GRK5: variants seen among roughly 807,000 people sequenced by gnomAD.
GRK5 encodes g protein-coupled receptor kinase GRK5.
GRK5 carries 40 observed loss-of-function variants against 78.4 expected under a neutral mutation model. The observed-to-expected ratio is 0.51, with a 90% confidence interval of 0.40 to 0.66. The LOEUF is 0.66. Among genes scored for constraint, GRK5 ranks in the 30% least tolerant of loss-of-function variants. The pLI, the probability that GRK5 is intolerant of heterozygous loss-of-function variation, is 0.00. For synonymous variants in GRK5, 289 were observed against 296.8 expected, an observed-to-expected ratio of 0.97 and a Z score of 0.27; for missense variants, 598 against 759.9, an observed-to-expected ratio of 0.79 and a Z score of 2.50.
intron 1 of GRK5, among the ~76,000 whole-genome samples, chr10:119,305,742 CTA>C (rs1850263427): frequency 6.6e-6 from 1 of 152,192 alleles, no homozygotes; most frequent in Admixed American, 6.5e-5. Flanking sequence ...AAGACCTAAC[CTA>C]CGTGTCTCTC....
At chr10:119,277,881 TGAA>T (rs760434429) in intron 1 of GRK5, among the ~76,000 whole-genome samples, 4 of 151,948 alleles carry the variant, frequency 2.6e-5, no homozygotes, top group Non-Finnish European at 4.4e-5. Context: ...TTACTCAGCA[TGAA>T]GATTTTGAGA....
At chr10:119,375,630 G>T (rs1851611018) in intron 2 of GRK5, among the ~76,000 whole-genome samples, 1 of 152,216 alleles carries the variant, frequency 6.6e-6, no homozygotes, top group Admixed American at 6.5e-5. Context: ...CAAGTGTCTG[G>T]TACCTTGCTA....
At chr10:119,395,613 G>A (rs561678835) in intron 3 of GRK5, among the ~76,000 whole-genome samples, 7 of 152,294 alleles carry the variant, frequency 4.6e-5, no homozygotes, top group East Asian at 3.9e-4. Context: ...AGAAAGGGCC[G>A]CTTACTCAGG....
At chr10:119,384,903 C>G in intron 3 of GRK5, among the ~76,000 whole-genome samples, 1 of 152,086 alleles carries the variant, frequency 6.6e-6, no homozygotes, top group Non-Finnish European at 1.5e-5. Context: ...ACAACTGGAG[C>G]AGGTTAAAGG....
At chr10:119,424,923 A>G in intron 5 of GRK5, 70 bp from the exon 6 acceptor site, 2 of 1,096,936 alleles carry the variant, frequency 1.8e-6, no homozygotes, top group South Asian at 2.5e-5. Flanking sequence ...CCAAAGCTGG[A>G]CACAGCTTTG....
chr10:119,452,850 A>AG lies in GRK5; in HGVS notation c.1542+45dup. The AG allele has an allele frequency of 1.9e-6, 1 of 538,102 alleles. No individual in the cohort carries two copies. The highest frequency in any genetic ancestry group is 2.1e-5 in the Admixed American group (1 of 48,086). 33.3% of individuals were successfully genotyped at this position (538,102 alleles called of 1,614,324 possible). A position where few individuals can be genotyped will look rare whatever the true frequency, so the allele number is the denominator to read the frequency against. Reference sequence around the variant, plus strand: ...ACTTGCTTTGGTCTGGGTGGGAGGGAGGGACTGACGGGTGGAAGGAGGCGT... The same window carrying AG: ...ACTTGCTTTGGTCTGGGTGGGAGGGAGGGGACTGACGGGTGGAAGGAGGCGT... On this transcript the variant is annotated intron_variant, in intron 14 of 15. Coordinates refer to ENST00000392870, the MANE Select transcript of GRK5 (RefSeq NM_005308.3). This position sits in a 1 kb window ranked among gnomAD's most constrained non-coding sequence, Gnocchi z 4.4.
At chr10:119,370,303 G>C (rs557198826) in intron 2 of GRK5, among the ~76,000 whole-genome samples, 2 of 152,270 alleles carry the variant, frequency 1.3e-5, no homozygotes, top group African/African-American at 4.8e-5. Flanking sequence ...GGTTTCACAT[G>C]TGGCTTCTCC....
At chr10:119,290,758 G>A (rs1241918549) in intron 1 of GRK5, among the ~76,000 whole-genome samples, 1 of 151,958 alleles carries the variant, frequency 6.6e-6, no homozygotes, top group Non-Finnish European at 1.5e-5. Flanking sequence ...CTTGGGCTGG[G>A]TTTCCCCTTC....
At chr10:119,326,871 C>T (rs1303202534) in intron 2 of GRK5, among the ~76,000 whole-genome samples, 1 of 152,240 alleles carries the variant, frequency 6.6e-6, no homozygotes, top group Non-Finnish European at 1.5e-5. Flanking sequence ...TCCTTTGAGG[C>T]AGGTGCTATT....
intron 1 of GRK5, among the ~76,000 whole-genome samples, chr10:119,248,307 C>G (rs2133749943): frequency 6.6e-6 from 1 of 152,318 alleles, no homozygotes; most frequent in Non-Finnish European, 1.5e-5. Context: ...GCCACTATCG[C>G]TGGCTGTTGT....
At chr10:119,274,214 C>T (rs1849631652) in intron 1 of GRK5, among the ~76,000 whole-genome samples, 1 of 152,082 alleles carries the variant, frequency 6.6e-6, no homozygotes, top group African/African-American at 2.4e-5. Flanking sequence ...CTGGCCAGCA[C>T]CGAGATTAGA....
rs1848414705 is a variant in GRK5 at position 119,207,932 on chromosome 10, C to T, written c.15C>T (p.Asn5=). MELE[N]IVANTVLLKA... ...GCCGACTGTCAATGGAGCTGGAAAA[C>T]ATCGTGGCCAACACGGTCTTGCTGA... is the stretch of plus-strand genomic sequence containing the variant. The change falls in exon 1 of 16, where the codon AAC becomes AAT. Residue 5 remains asparagine (N), a synonymous_variant. Coordinates refer to ENST00000392870, the MANE Select transcript of GRK5 (RefSeq NM_005308.3). 4 of 1,604,150 alleles carry T rather than the reference C, an allele frequency of 2.5e-6. No homozygotes were observed. The highest frequency in any genetic ancestry group is 1.4e-5 in the African/African-American group (1 of 73,470).
chr10:119,449,112 G>A (rs1348681225), intron 13 of GRK5, among the ~76,000 whole-genome samples: 1 of 152,238 alleles, frequency 6.6e-6, no homozygotes, highest in Non-Finnish European at 1.5e-5. Context: ...GCGAATGACT[G>A]CATCTCCAGA....
chr10:119,249,451 A>T (rs1849165451), intron 1 of GRK5, among the ~76,000 whole-genome samples: 2 of 152,236 alleles, frequency 1.3e-5, no homozygotes, highest in Admixed American at 1.3e-4. Flanking sequence ...TATATCATGT[A>T]TCAAATATGT....
At chr10:119,255,504 C>G (rs551948922) in intron 1 of GRK5, among the ~76,000 whole-genome samples, 3 of 152,276 alleles carry the variant, frequency 2.0e-5, no homozygotes, top group African/African-American at 7.2e-5. Context: ...GTGTGATTTT[C>G]ACTGGCGTGG....
intron 13 of GRK5, among the ~76,000 whole-genome samples, chr10:119,449,886 A>C (rs1853241016): frequency 1.3e-5 from 2 of 152,142 alleles, no homozygotes; most frequent in Non-Finnish European, 2.9e-5. Context: ...ATTGCTCTCG[A>C]CCCTGGCTGC....
At chr10:119,426,976 C>T (rs111458715) in intron 6 of GRK5, among the ~76,000 whole-genome samples, 16,018 of 133,800 alleles carry the variant, frequency 0.12, 878 homozygotes, top group Middle Eastern at 0.25. Context: ...ACAGCATCAC[C>T]GCCATCAACA....
Position 119,362,353 on chromosome 10 carries a change from T to A in GRK5, c.149-18462T>A, listed in dbSNP as rs533993345. Among the ~76,000 whole-genome samples, 80 of 152,380 alleles carry A rather than the reference T, an allele frequency of 5.3e-4. 3 individuals carry two copies. In the South Asian group the frequency reaches 0.016, roughly 30 times the overall value. The stretch of plus-strand genomic sequence containing the variant: ...GAACCCCAGGACACTTGAGTCTGAA[T>A]GGCCTGATGTGGCTAGGACAAGGGC... On this transcript the variant is annotated intron_variant, in intron 2 of 15. Coordinates refer to ENST00000392870, the MANE Select transcript of GRK5 (RefSeq NM_005308.3).
In GRK5 at chr10:119,218,234, C is replaced by G. The variant is rs181521222; in HGVS notation, c.52+10265C>G. 1.9e-3 allele frequency among the ~76,000 whole-genome samples: 294 copies of G among 152,184 alleles called. 2 individuals are homozygous for G. The highest frequency in any genetic ancestry group is 6.9e-3 in the African/African-American group (287 of 41,524). On this transcript the variant is annotated intron_variant, in intron 1 of 15. Transcript: ENST00000392870. ...TGGGAAGGCAGCCTGGTGTCGCTCC[C>G]TGATGATGAGGGTACAGGAAGCCAT... is the stretch of plus-strand genomic sequence containing the variant.
Sources: allele counts gnomAD v4.1 joint callset (sites outside exome capture counted in the v4.1 genomes callset), GRCh38; gene constraint gnomAD v4.1.1; non-coding constraint Gnocchi (gnomAD v3.1); transcripts MANE v1.5; gene names NCBI Gene and HGNC (gene_info 2026-07-23, HGNC 2026-07-21).